The following MFSD1 variants were observed in gnomAD, a reference collection of about 807,000 sequenced individuals.
MFSD1 encodes the protein lysosomal dipeptide transporter MFSD1.
In MFSD1, 59 loss-of-function variants were observed where a neutral mutation model predicts 67.1. The ratio of observed to expected loss-of-function variants is 0.88; its 90% CI spans 0.71 to 1.09. The LOEUF (loss-of-function observed/expected upper bound fraction) is 1.09, where lower values mean the gene tolerates loss of function less well. MFSD1 is among the 50% of genes least tolerant of loss of function. The pLI is 0.00. For missense variants in MFSD1, 552 were observed against 566.1 expected, an observed-to-expected ratio of 0.97 and a Z score of 0.25; for synonymous variants, 213 against 200.3, an observed-to-expected ratio of 1.06 and a Z score of -0.54.
In MFSD1 at chr3:158,827,269, TTG is replaced by T. The variant is rs557700746; in HGVS notation, c.1337-7_1337-6del. The T allele has an allele frequency of 1.3e-6, 2 of 1,525,912 alleles. No individual in the cohort carries two copies. The highest frequency in any genetic ancestry group is 2.5e-5 in the South Asian group (2 of 80,788). The allele number at this position is 1,525,912 out of a possible 1,614,324, so 94.5% of individuals were successfully genotyped here. On this transcript the variant is annotated splice_polypyrimidine_tract_variant and intron_variant, in intron 14 of 15. Coordinates refer to ENST00000415822, the MANE Select transcript of MFSD1 (RefSeq NM_022736.4). ...TTATATGGAAAAGATCTATGTTTATTTGTGTTTTAGGTGGGAACCTAAATTAT... is the reference window on the plus strand; with the variant it reads ...TTATATGGAAAAGATCTATGTTTATTTGTTTTAGGTGGGAACCTAAATTAT...
intron 3 of MFSD1, among the ~76,000 whole-genome samples, chr3:158,806,254 CAA>C (rs1399587593): frequency 1.3e-5 from 2 of 152,056 alleles, no homozygotes; most frequent in Non-Finnish European, 1.5e-5. Context: ...TTTTTGATCT[CAA>C]GAGAGAGAAT....
Position 158,807,427 on chromosome 3 carries a change from C to CT in MFSD1, c.409dup (p.Trp137LeufsTer30), listed in dbSNP as rs1233235633. On this transcript the variant is annotated frameshift_variant, in exon 5 of 16. Transcript: ENST00000415822. LOFTEE classifies it high-confidence loss of function. ...TTTGCCCTGGGTGGAATATTTAATG[C>CT]TTTTTGGCTGATGGAATTTGGAAGA... The CT allele has an allele frequency of 6.2e-7, 1 of 1,612,920 alleles. No homozygotes were observed.
At chr3:158,827,777 G>A (rs1040909957) in intron 15 of MFSD1, among the ~76,000 whole-genome samples, 2 of 152,012 alleles carry the variant, frequency 1.3e-5, no homozygotes, top group African/African-American at 2.4e-5. Context: ...TATTATGTGT[G>A]TGGAACTATT....
intron 7 of MFSD1, among the ~76,000 whole-genome samples, chr3:158,818,249 T>C (rs924254863): frequency 6.6e-6 from 1 of 152,166 alleles, no homozygotes; most frequent in Non-Finnish European, 1.5e-5. Flanking sequence ...ATTATACATA[T>C]TTATGGGTAC....
intron 6 of MFSD1, among the ~76,000 whole-genome samples, chr3:158,812,462 A>T (rs570619494): frequency 1.1e-4 from 17 of 152,026 alleles, no homozygotes; most frequent in Non-Finnish European, 2.2e-4. Context: ...AGATCTCCCT[A>T]CCACTCTCAT....
intron 7 of MFSD1, among the ~76,000 whole-genome samples, chr3:158,818,403 C>T (rs1344653058): frequency 6.6e-6 from 1 of 151,994 alleles, no homozygotes; most frequent in East Asian, 1.9e-4. Context: ...TGTATAATCC[C>T]TTACTGTTAA....
chr3:158,808,861 C>CT (rs1345084077), intron 5 of MFSD1: 2 of 234,652 alleles, frequency 8.5e-6, no homozygotes, highest in Non-Finnish European at 1.7e-5. Flanking sequence ...GGACTGCTGA[C>CT]TGGGGCACTT....
chr3:158,826,576 A>G (rs1048707975), intron 14 of MFSD1, among the ~76,000 whole-genome samples: 3 of 151,620 alleles, frequency 2.0e-5, no homozygotes, highest in Non-Finnish European at 4.4e-5. Context: ...GCTTGCTCCT[A>G]AAGAGTTTTA....
intron 2 of MFSD1, 96 bp downstream of exon 2, chr3:158,804,467 T>G (rs1231150936): frequency 7.9e-6 from 7 of 885,878 alleles, no homozygotes; most frequent in Admixed American, 2.6e-5. Flanking sequence ...GTCTCACGTG[T>G]CCGCTGAATC....
chr3:158,827,519 A>G (rs1395654691), intron 15 of MFSD1, among the ~76,000 whole-genome samples, 182 bp downstream of exon 15: 2 of 151,792 alleles, frequency 1.3e-5, no homozygotes, highest in Non-Finnish European at 2.9e-5. Flanking sequence ...AGCTCAGGCA[A>G]TCCTCCCATC....
chr3:158,814,216 A>C (rs1021127940), intron 7 of MFSD1, 149 bp downstream of exon 7: 1 of 559,202 alleles, frequency 1.8e-6, no homozygotes, highest in Non-Finnish European at 3.2e-6. Flanking sequence ...ACACAACTAG[A>C]AATAGGCTAT....
intron 7 of MFSD1, among the ~76,000 whole-genome samples, chr3:158,814,383 C>T (rs111316237): frequency 0.018 from 2,744 of 152,170 alleles, 71 homozygotes; most frequent in African/African-American, 0.062. Flanking sequence ...TTCAGTGGCG[C>T]GATCTCGGCT....
rs773562458 is a variant in MFSD1 at position 158,813,979 on chromosome 3, C to T, written c.564C>T (p.Asn188=). 2 of 1,606,846 alleles carry T rather than the reference C, an allele frequency of 1.2e-6. No homozygotes were observed. Among genetic ancestry groups the T allele is most frequent in the Non-Finnish European group, 8.5e-7 (1 of 1,175,518 alleles). The part of the protein sequence containing the change: ...LSMARIGSTV[N]MNLMGWLYSK... Reference sequence around the variant, plus strand: ...TTCTCATTTAGGGAAGTACAGTAAACATGAACCTCATGGGATGGCTGTATT... The same window carrying T: ...TTCTCATTTAGGGAAGTACAGTAAATATGAACCTCATGGGATGGCTGTATT... The change falls in exon 7 of 16, where the codon AAC becomes AAT. Residue 188 remains asparagine, a synonymous_variant. Transcript: ENST00000415822.
chr3:158,810,720 T>A (rs556056393), intron 6 of MFSD1, among the ~76,000 whole-genome samples: 1 of 152,328 alleles, frequency 6.6e-6, no homozygotes, highest in Non-Finnish European at 1.5e-5. Context: ...CTGTGGGATA[T>A]GAGAGGATCC....
At chr3:158,827,667 C>G (rs1025249621) in intron 15 of MFSD1, among the ~76,000 whole-genome samples, 1 of 152,056 alleles carries the variant, frequency 6.6e-6, no homozygotes, top group Non-Finnish European at 1.5e-5. Context: ...CTGCCTGCAT[C>G]GGCCTCCCAA....
intron 7 of MFSD1, among the ~76,000 whole-genome samples, chr3:158,816,011 C>T (rs556970933): frequency 3.5e-4 from 54 of 152,198 alleles, no homozygotes; most frequent in African/African-American, 1.3e-3. Flanking sequence ...GCATCGTATT[C>T]CATGGTGTAT....
chr3:158,819,696 T>C lies in MFSD1; in HGVS notation c.700T>C (p.Tyr234His), dbSNP rs1261205681. ...LSLICALALA[Y>H]LDQRAERILH... ...ACTAATCTGTGCCTTGGCTCTTGCCTACTTGGATCAGAGAGCAGAGAGAAT... is the reference window on the plus strand; with the variant it reads ...ACTAATCTGTGCCTTGGCTCTTGCCCACTTGGATCAGAGAGCAGAGAGAAT... Residue 234 changes from tyrosine (Y) to histidine (H), a missense_variant, in exon 8 of 16, where the codon TAC (tyrosine) becomes CAC (histidine). Coordinates refer to ENST00000415822, the MANE Select transcript of MFSD1 (RefSeq NM_022736.4). The C allele has an allele frequency of 2.5e-6, 4 of 1,609,738 alleles. No homozygotes were observed. In the East Asian group the frequency reaches 8.9e-5, roughly 36 times the overall value.
chr3:158,818,286 A>G (rs10936161), intron 7 of MFSD1, among the ~76,000 whole-genome samples: 21,418 of 152,108 alleles, frequency 0.14, 1,798 homozygotes, highest in African/African-American at 0.22. Flanking sequence ...ACACAGATAC[A>G]TTGTGTAACA....
chr3:158,812,834 C>T (rs9861622), intron 6 of MFSD1, among the ~76,000 whole-genome samples: 28,480 of 152,066 alleles, frequency 0.19, 3,110 homozygotes, highest in Middle Eastern at 0.31. Context: ...TCATCCTCTC[C>T]GTTCTGTTTG....
Sources: allele counts gnomAD v4.1 joint callset (sites outside exome capture counted in the v4.1 genomes callset), GRCh38; gene constraint gnomAD v4.1.1; transcripts MANE v1.5; gene names NCBI Gene and HGNC (gene_info 2026-07-23, HGNC 2026-07-21).